Variants in RALYL observed in about 807,000 individuals in gnomAD.
RALYL encodes RALY RNA binding protein like.
In RALYL, 29 loss-of-function variants were observed where a neutral mutation model predicts 35.1. That is an observed-to-expected ratio of 0.83 (90% CI 0.61 to 1.13). The LOEUF is 1.13. RALYL is among the 50% of genes most tolerant of loss of function. The pLI is 0.00. For synonymous variants in RALYL, 120 were observed against 127.6 expected, an observed-to-expected ratio of 0.94 and a Z score of 0.40; for missense variants, 359 against 360.4, an observed-to-expected ratio of 1.00 and a Z score of 0.03.
At chr8:84,655,488 G>A (rs182124571) in intron 2 of RALYL, among the ~76,000 whole-genome samples, 21 of 151,840 alleles carry the variant, frequency 1.4e-4, no homozygotes, top group Admixed American at 6.6e-5. Context: ...ATCACCATGC[G>A]CAGCTAATTG....
chr8:84,752,178 G>A (rs1327833651), intron 2 of RALYL, among the ~76,000 whole-genome samples: 3 of 152,172 alleles, frequency 2.0e-5, no homozygotes, highest in Admixed American at 1.3e-4. Flanking sequence ...GGTCACTCTT[G>A]TTATGTATTA....
At chr8:84,211,832 A>G (rs1235806855) in intron 1 of RALYL, among the ~76,000 whole-genome samples, 2 of 152,176 alleles carry the variant, frequency 1.3e-5, no homozygotes, top group Non-Finnish European at 2.9e-5. Context: ...ACCCTAGGGA[A>G]AAATCTGTGG....
chr8:84,295,279 GGTGA>G (rs901031114), intron 1 of RALYL, among the ~76,000 whole-genome samples: 3 of 152,058 alleles, frequency 2.0e-5, no homozygotes, highest in Admixed American at 1.3e-4. Flanking sequence ...AGGATTTTGT[GGTGA>G]GTGAGTCAAT....
intron 1 of RALYL, among the ~76,000 whole-genome samples, chr8:84,262,784 A>G (rs1465069240): frequency 6.6e-6 from 1 of 152,190 alleles, no homozygotes; most frequent in Admixed American, 6.5e-5. Flanking sequence ...ACTAAAATAG[A>G]TCAGAGTGAA....
chr8:84,661,172 C>T (rs887002195), intron 2 of RALYL, among the ~76,000 whole-genome samples: 2 of 152,068 alleles, frequency 1.3e-5, no homozygotes, highest in Non-Finnish European at 2.9e-5. Context: ...TCATGATCCT[C>T]CCACCTCGGC....
intron 2 of RALYL, among the ~76,000 whole-genome samples, chr8:84,663,667 GT>G (rs1169232262): frequency 6.6e-6 from 1 of 151,852 alleles, no homozygotes. Context: ...TAATGGGGTT[GT>G]TTTTTTAATT....
At chr8:84,785,412 G>A (rs1467546518) in intron 3 of RALYL, among the ~76,000 whole-genome samples, 1 of 152,202 alleles carries the variant, frequency 6.6e-6, no homozygotes, top group East Asian at 1.9e-4. Context: ...TAAAATGAAG[G>A]AGTTGAATTA....
intron 1 of RALYL, among the ~76,000 whole-genome samples, chr8:84,389,181 T>C (rs1859990904): frequency 6.6e-6 from 1 of 152,164 alleles, no homozygotes; most frequent in African/African-American, 2.4e-5. Flanking sequence ...CTGAGGGCTC[T>C]GTTCTGTTCC....
chr8:84,336,447 G>A (rs1847825019), intron 1 of RALYL, among the ~76,000 whole-genome samples: 3 of 152,142 alleles, frequency 2.0e-5, no homozygotes, highest in East Asian at 1.9e-4. Flanking sequence ...AAAAAGTAAT[G>A]TATGAGTAAA....
At chr8:84,842,547 G>A (rs982432032) in intron 4 of RALYL, among the ~76,000 whole-genome samples, 2 of 152,160 alleles carry the variant, frequency 1.3e-5, no homozygotes, top group African/African-American at 4.8e-5. Context: ...GTACAAGGAG[G>A]AGCTAGTACC....
chr8:84,595,000 G>C (rs1814151039), intron 2 of RALYL, among the ~76,000 whole-genome samples: 1 of 152,048 alleles, frequency 6.6e-6, no homozygotes. Flanking sequence ...AGCAAACTAA[G>C]TTTGTGATAT....
At chr8:84,810,828 C>T (rs372411689) in intron 4 of RALYL, among the ~76,000 whole-genome samples, 1 of 152,058 alleles carries the variant, frequency 6.6e-6, no homozygotes, top group African/African-American at 2.4e-5. Context: ...CTTTTGGTGT[C>T]CATTTGCATA....
chr8:84,271,942 G>T (rs1834383492), intron 1 of RALYL, among the ~76,000 whole-genome samples: 1 of 152,120 alleles, frequency 6.6e-6, no homozygotes, highest in African/African-American at 2.4e-5. Context: ...AAATTGAATT[G>T]TGTGCTTAAA....
intron 1 of RALYL, among the ~76,000 whole-genome samples, chr8:84,311,084 A>AT (rs1842712453): frequency 4.6e-5 from 6 of 129,756 alleles, no homozygotes; most frequent in Non-Finnish European, 8.1e-5. Flanking sequence ...AAAAAAAAAA[A>AT]AAAAAAATGT....
chr8:84,816,838 T>A (rs1827421933), intron 4 of RALYL, among the ~76,000 whole-genome samples: 2 of 152,172 alleles, frequency 1.3e-5, no homozygotes, highest in Non-Finnish European at 2.9e-5. Flanking sequence ...ATGTGATTAT[T>A]ACACATTGCG....
At chr8:84,254,759 A>AAAAAG (rs1830898962) in intron 1 of RALYL, among the ~76,000 whole-genome samples, 2 of 151,610 alleles carry the variant, frequency 1.3e-5, no homozygotes, top group Non-Finnish European at 2.9e-5. Context: ...AAAAAAAAAA[A>AAAAAG]AGAGGTTTAA....
chr8:84,324,269 C>T (rs1845398356), intron 1 of RALYL, among the ~76,000 whole-genome samples: 1 of 151,996 alleles, frequency 6.6e-6, no homozygotes, highest in African/African-American at 2.4e-5. Context: ...TTTGATTCCA[C>T]ATACAGTTAA....
chr8:84,488,034 G>A (rs1488430802), intron 1 of RALYL, among the ~76,000 whole-genome samples: 1 of 152,004 alleles, frequency 6.6e-6, no homozygotes, highest in Non-Finnish European at 1.5e-5. Flanking sequence ...AACCAAAATA[G>A]CTTTTATTGA....
At chr8:84,562,472 T>C (rs2061526012) in intron 2 of RALYL, among the ~76,000 whole-genome samples, 1 of 152,004 alleles carries the variant, frequency 6.6e-6, no homozygotes, top group African/African-American at 2.4e-5. Flanking sequence ...TTAATGTTTC[T>C]ACCAATATAT....
Sources: allele counts gnomAD v4.1 joint callset (sites outside exome capture counted in the v4.1 genomes callset), GRCh38; gene constraint gnomAD v4.1.1; transcripts MANE v1.5; gene names NCBI Gene and HGNC (gene_info 2026-07-23, HGNC 2026-07-21).